The following AGAP1 variants were observed in gnomAD, a reference collection of about 807,000 sequenced individuals.
The protein encoded by AGAP1 is ArfGAP with GTPase domain, ankyrin repeat and PH domain 1, also known as arf-GAP with GTPase, ANK repeat and PH domain-containing protein 1.
A neutral mutation model predicts 105.3 loss-of-function variants in AGAP1; 29 were observed. That is an observed-to-expected ratio of 0.28 (90% CI 0.21 to 0.38). The LOEUF (loss-of-function observed/expected upper bound fraction) is 0.38, where lower values mean the gene tolerates loss of function less well. Ranked by LOEUF, AGAP1 falls within the 10% of genes least tolerant of loss-of-function variation. The pLI is 1.00. For missense variants in AGAP1, 998 were observed against 1,165.1 expected, an observed-to-expected ratio of 0.86 and a Z score of 2.09; for synonymous variants, 509 against 485.9, an observed-to-expected ratio of 1.05 and a Z score of -0.63.
chr2:235,679,314 A>C (rs1378219037), intron 1 of AGAP1, among the ~76,000 whole-genome samples: 1 of 152,222 alleles, frequency 6.6e-6, no homozygotes, highest in Non-Finnish European at 1.5e-5. Context: ...AAAGACCTAA[A>C]AATAGAAATA....
chr2:235,526,672 T>TG (rs5839597), intron 1 of AGAP1, among the ~76,000 whole-genome samples: 134,668 of 151,896 alleles, frequency 0.89, 60,020 homozygotes, highest in East Asian at 0.99. Context: ...TACAAAATTA[T>TG]TGTGTGTATT....
chr2:236,103,521 T>G (rs1429596841), intron 16 of AGAP1, among the ~76,000 whole-genome samples: 1 of 150,048 alleles, frequency 6.7e-6, no homozygotes, highest in Non-Finnish European at 1.5e-5. Flanking sequence ...CTTTTCTTTT[T>G]TTTCTTTCTT....
rs1456065005 is a variant in AGAP1, at chr2:235,919,902, T to C, written c.1325-10863T>C. Among the ~76,000 whole-genome samples the C allele has an allele frequency of 6.6e-6, 1 of 152,202 alleles. No individual in the cohort carries two copies. The highest frequency in any genetic ancestry group is 1.9e-4 in the East Asian group (1 of 5,184). On this transcript the variant is annotated intron_variant, in intron 11 of 17. Coordinates refer to ENST00000304032, the MANE Select transcript of AGAP1 (RefSeq NM_001037131.3). This position sits in a 1 kb window ranked among gnomAD's most constrained non-coding sequence, Gnocchi z 4.1. Reference sequence around the variant, plus strand: ...ATATAACCCATACCAGGAGATGGATTGTGGCCAAGACAAGCCGTACGATGG... The same window carrying C: ...ATATAACCCATACCAGGAGATGGATCGTGGCCAAGACAAGCCGTACGATGG...
intron 16 of AGAP1, among the ~76,000 whole-genome samples, chr2:236,100,869 C>T (rs956360239): frequency 1.3e-5 from 2 of 151,794 alleles, no homozygotes; most frequent in African/African-American, 4.8e-5. Flanking sequence ...AAAGAAAACC[C>T]AACTGTTGTG....
intron 9 of AGAP1, among the ~76,000 whole-genome samples, chr2:235,881,728 G>A (rs1264650571): frequency 6.6e-6 from 1 of 152,232 alleles, no homozygotes; most frequent in Non-Finnish European, 1.5e-5. Flanking sequence ...TCAAGGTAGA[G>A]CAAGGTTTGC....
intron 16 of AGAP1, among the ~76,000 whole-genome samples, chr2:236,100,465 T>C (rs1447080213): frequency 6.6e-6 from 1 of 152,104 alleles, no homozygotes; most frequent in Admixed American, 6.5e-5. Flanking sequence ...ACAGCCAAAC[T>C]TAGGGGGGAA....
At chr2:235,637,849 A>G (rs1947057446) in intron 1 of AGAP1, among the ~76,000 whole-genome samples, 2 of 152,234 alleles carry the variant, frequency 1.3e-5, no homozygotes, top group South Asian at 4.2e-4. Context: ...CAGCCCGAGA[A>G]CCAGGAGCTC....
chr2:236,094,923 C>CAAAAAAA (rs59126473), intron 16 of AGAP1, among the ~76,000 whole-genome samples: 4 of 37,772 alleles, frequency 1.1e-4, no homozygotes, highest in African/African-American at 2.2e-4. Flanking sequence ...CCCATCTCTA[C>CAAAAAAA]AAAAAAAAAA....
rs78427148 is a variant in AGAP1 at position 235,741,728 on chromosome 2, A to G, written c.396+680A>G. Reference sequence around the variant, plus strand: ...TATTATTATTATTGTTGTTGTTGTTATTATTATTATTGTTATTTTTTATTA... The same window carrying G: ...TATTATTATTATTGTTGTTGTTGTTGTTATTATTATTGTTATTTTTTATTA... On this transcript the variant is annotated intron_variant, in intron 4 of 17. Transcript: ENST00000304032. The surrounding 1 kb of genome is among the most constrained non-coding windows in gnomAD (Gnocchi z 4.9). 0.021 allele frequency among the ~76,000 whole-genome samples: 3,110 copies of G among 145,458 alleles called. 39 individuals are homozygous for G. Among genetic ancestry groups the G allele is most frequent in the Non-Finnish European group, 0.03 (2,003 of 67,512 alleles).
chr2:236,023,253 TAAAAG>T (rs1375134266), intron 13 of AGAP1, among the ~76,000 whole-genome samples: 2 of 152,136 alleles, frequency 1.3e-5, no homozygotes, highest in African/African-American at 4.8e-5. Context: ...TGTCTGTTTT[TAAAAG>T]AAAAGGAGAG....
At position 236,096,258 on chromosome 2, in the gene AGAP1, C is replaced by G. The variant is rs766098270; in HGVS notation, c.2115-23934C>G. Among the ~76,000 whole-genome samples, 1 of 152,096 alleles carries G rather than the reference C, an allele frequency of 6.6e-6. No homozygotes were observed. Among genetic ancestry groups the G allele is most frequent in the Admixed American group, 6.6e-5 (1 of 15,266 alleles). ...GCTCACGCCTGTAATCCCAGCACTT[C>G]GGGAGGCCAAGGCGGGGGAATCCCT... On this transcript the variant is annotated intron_variant, in intron 16 of 17. Transcript: ENST00000304032. The surrounding 1 kb of genome is among the most constrained non-coding windows in gnomAD (Gnocchi z 4.4).
intron 16 of AGAP1, among the ~76,000 whole-genome samples, chr2:236,088,194 G>C (rs2058977966): frequency 6.6e-6 from 1 of 152,212 alleles, no homozygotes; most frequent in African/African-American, 2.4e-5. Flanking sequence ...GTGTCTGAGT[G>C]TCCTCAGACA....
rs1181930482 is a variant in AGAP1 at position 236,083,137 on chromosome 2, G to T, written c.2114+33856G>T. Among the ~76,000 whole-genome samples, 2 of 151,294 alleles carry T rather than the reference G, an allele frequency of 1.3e-5. No homozygotes were observed. The highest frequency in any genetic ancestry group is 4.9e-5 in the African/African-American group (2 of 41,188). Reference sequence around the variant, plus strand: ...GCCATTGCACTCCAGCCTAGGCAACGAGCGAAATTCCATCTCAAAAAAAAA... The same window carrying T: ...GCCATTGCACTCCAGCCTAGGCAACTAGCGAAATTCCATCTCAAAAAAAAA... On this transcript the variant is annotated intron_variant, in intron 16 of 17. Coordinates refer to ENST00000304032, the MANE Select transcript of AGAP1 (RefSeq NM_001037131.3). This position sits in a 1 kb window ranked among gnomAD's most constrained non-coding sequence, Gnocchi z 5.3.
chr2:235,542,139 G>T (rs1943463710), intron 1 of AGAP1, among the ~76,000 whole-genome samples: 1 of 152,048 alleles, frequency 6.6e-6, no homozygotes, highest in South Asian at 2.1e-4. Flanking sequence ...TGTGTGCTTT[G>T]TATTTTCACT....
At chr2:235,802,978 T>G (rs1957606801) in intron 8 of AGAP1, among the ~76,000 whole-genome samples, 9 of 144,588 alleles carry the variant, frequency 6.2e-5, no homozygotes, top group East Asian at 2.1e-4. Flanking sequence ...ATGGTTGTGG[T>G]TGTGATGGTT....
chr2:235,762,079 A>C (rs995745071), intron 6 of AGAP1, among the ~76,000 whole-genome samples: 1 of 150,766 alleles, frequency 6.6e-6, no homozygotes, highest in African/African-American at 2.5e-5. Context: ...GTTGCATTCC[A>C]GCCTGGGGGG....
At chr2:236,068,171 T>TGAGGCAGGAGAATTGCTTG (rs1422331285) in intron 16 of AGAP1, among the ~76,000 whole-genome samples, 6 of 152,090 alleles carry the variant, frequency 3.9e-5, no homozygotes, top group Non-Finnish European at 8.8e-5. Context: ...ACTCGGAGGC[T>TGAGGCAGGAGAATTGCTTG]GAGGCAGGAG....
intron 11 of AGAP1, among the ~76,000 whole-genome samples, chr2:235,922,733 A>G (rs1446405063): frequency 2.6e-5 from 4 of 152,248 alleles, no homozygotes; most frequent in Non-Finnish European, 4.4e-5. Context: ...TTCTTGTTCA[A>G]TAGAAAACCA....
intron 16 of AGAP1, among the ~76,000 whole-genome samples, chr2:236,093,724 G>C (rs2059122075): frequency 6.6e-6 from 1 of 152,052 alleles, no homozygotes; most frequent in African/African-American, 2.4e-5. Context: ...CTGCCTGCCA[G>C]TCATAATCAT....
Sources: gnomAD v4.1 joint callset for allele counts (sites outside exome capture counted in the v4.1 genomes callset) on GRCh38, gnomAD v4.1.1 for gene constraint, Gnocchi (gnomAD v3.1) non-coding constraint, MANE v1.5 for transcripts, NCBI Gene and HGNC (gene_info 2026-07-23, HGNC 2026-07-21) for gene names.